TCF4: variants seen among roughly 807,000 people sequenced by gnomAD.
TCF4 encodes the protein SL3-3 enhancer factor 2.
Under a neutral mutation model 82.1 loss-of-function variants are expected in TCF4, and 3 were observed. The ratio of observed to expected loss-of-function variants is 0.04; its 90% CI spans 0.02 to 0.09. TCF4 has a LOEUF of 0.09. Among genes scored for constraint, TCF4 ranks in the 10% least tolerant of loss-of-function variants. The pLI, the probability that TCF4 is intolerant of heterozygous loss-of-function variation, is 1.00. For synonymous variants in TCF4, 276 were observed against 309.6 expected (o/e 0.89, Z 1.14); for missense variants, 518 against 852.7 (o/e 0.61, Z 4.89).
chr18:55,572,590 A>C (rs534937618), intron 3 of TCF4, among the ~76,000 whole-genome samples: 202 of 152,334 alleles, frequency 1.3e-3, no homozygotes, highest in African/African-American at 4.6e-3. Context: ...TCCCAGATAG[A>C]ATACCACATA....
At chr18:55,316,847 C>T (rs1337299811) in intron 8 of TCF4, among the ~76,000 whole-genome samples, 3 of 152,014 alleles carry the variant, frequency 2.0e-5, no homozygotes, top group Admixed American at 6.6e-5. Context: ...CATCACCCAG[C>T]GACAGAAGGA....
At chr18:55,607,042 T>A (rs1350690551) in intron 2 of TCF4, among the ~76,000 whole-genome samples, 3 of 152,180 alleles carry the variant, frequency 2.0e-5, no homozygotes, top group African/African-American at 7.2e-5. Context: ...CGGCAATACC[T>A]ACAGCACAGT....
chr18:55,401,216 T>A, intron 6 of TCF4: 1 of 1,198,844 alleles, frequency 8.3e-7, no homozygotes. Context: ...TCATACTCTG[T>A]ACATTTTTCA....
At position 55,489,386 on chromosome 18, in the gene TCF4, C is replaced by T. The variant is rs9962390; in HGVS notation, c.146-25249G>A. ...TCTCTTTCAGGCTCTTTGGGAGGCA[C>T]GTTGCCTACAAGTGCCACGAGCTGC... On this transcript the variant is annotated intron_variant, in intron 3 of 19. Coordinates refer to ENST00000354452, the MANE Select transcript of TCF4 (RefSeq NM_001083962.2). Among the ~76,000 whole-genome samples, 368 of 152,174 alleles carry T rather than the reference C, an allele frequency of 2.4e-3. 1 individual carries two copies. The highest frequency in any genetic ancestry group is 8.5e-3 in the African/African-American group (352 of 41,496).
intron 8 of TCF4, among the ~76,000 whole-genome samples, chr18:55,339,436 T>G (rs1359154109): frequency 2.0e-5 from 3 of 152,110 alleles, no homozygotes; most frequent in Non-Finnish European, 2.9e-5. Flanking sequence ...ATCCACAAGG[T>G]GGCAATGACT....
chr18:55,355,540 T>G (rs751000973), intron 6 of TCF4, among the ~76,000 whole-genome samples: 1 of 152,278 alleles, frequency 6.6e-6, no homozygotes, highest in East Asian at 1.9e-4. Flanking sequence ...AGAATATATC[T>G]CGCACCAAAG....
intron 3 of TCF4, among the ~76,000 whole-genome samples, chr18:55,470,159 A>G (rs988525031): frequency 5.9e-5 from 9 of 152,248 alleles, no homozygotes; most frequent in Non-Finnish European, 2.9e-5. Context: ...TTGTTAAAGT[A>G]AATGAATTAA....
At chr18:55,540,490 T>A (rs778753205) in intron 3 of TCF4, among the ~76,000 whole-genome samples, 2 of 152,084 alleles carry the variant, frequency 1.3e-5, no homozygotes, top group Non-Finnish European at 2.9e-5. Context: ...TAATTAATGT[T>A]TTTTGGCATG....
intron 3 of TCF4, among the ~76,000 whole-genome samples, chr18:55,521,113 T>C (rs1052181338): frequency 6.6e-6 from 1 of 152,194 alleles, no homozygotes; most frequent in Non-Finnish European, 1.5e-5. Context: ...GAAGCGAGTT[T>C]ATTTGGAAAG....
At chr18:55,331,158 T>A (rs1194280803) in intron 8 of TCF4, among the ~76,000 whole-genome samples, 1 of 151,856 alleles carries the variant, frequency 6.6e-6, no homozygotes, top group Non-Finnish European at 1.5e-5. Context: ...AGAAGCTCAG[T>A]GGAGTATCTG....
chr18:55,517,856 G>C (rs1000840930), intron 3 of TCF4, among the ~76,000 whole-genome samples: 1 of 152,108 alleles, frequency 6.6e-6, no homozygotes, highest in Admixed American at 6.5e-5. Context: ...TGAGAGTCCA[G>C]GCCCTTGCTG....
chr18:55,624,100 G>T (rs1485266291), intron 2 of TCF4, among the ~76,000 whole-genome samples: 2 of 152,062 alleles, frequency 1.3e-5, no homozygotes, highest in Admixed American at 1.3e-4. Flanking sequence ...CATTAATTTT[G>T]TGAAGTTTTA....
chr18:55,608,065 G>A (rs988312602), intron 2 of TCF4, among the ~76,000 whole-genome samples: 5 of 152,154 alleles, frequency 3.3e-5, no homozygotes, highest in African/African-American at 7.2e-5. Flanking sequence ...CACATGCTTC[G>A]TCTCACTGTA....
chr18:55,621,492 TATAATGTAC>T (rs2097718420), intron 2 of TCF4, among the ~76,000 whole-genome samples: 1 of 83,626 alleles, frequency 1.2e-5, no homozygotes, highest in Non-Finnish European at 2.1e-5. Context: ...ATATATATTA[TATAATGTAC>T]ATTATATATA....
Position 55,234,607 on chromosome 18 carries a change from T to G in TCF4, c.1427A>C (p.Gln476Pro). The change falls in exon 16 of 20, where the codon CAG (glutamine) becomes CCG (proline). Residue 476 changes from glutamine to proline, a missense_variant. By Grantham distance (76) the Gln-to-Pro change is moderately conservative. This residue lies in a region of TCF4 where 144 missense variants were observed against 190.2 expected (regional missense o/e 0.76). Coordinates refer to ENST00000354452, the MANE Select transcript of TCF4 (RefSeq NM_001083962.2). Reference sequence around the variant, plus strand: ...GGAAGTCGCAGACTGGACAGGAAGCTGTGGAACCGGAACCTGGTTTGGCAG... The same window carrying G: ...GGAAGTCGCAGACTGGACAGGAAGCGGTGGAACCGGAACCTGGTTTGGCAG... ...SLLPNQVPVPQLPVQSATSPD... is the reference protein window; with the variant it reads ...SLLPNQVPVPPLPVQSATSPD... 1 of 1,614,094 alleles carries G rather than the reference T, an allele frequency of 6.2e-7. No individual in the cohort carries two copies. Among genetic ancestry groups the G allele is most frequent in the Non-Finnish European group, 8.5e-7 (1 of 1,180,014 alleles).
intron 3 of TCF4, among the ~76,000 whole-genome samples, chr18:55,570,636 C>G (rs896501681): frequency 1.3e-5 from 2 of 152,044 alleles, no homozygotes; most frequent in Admixed American, 6.6e-5. Flanking sequence ...AATCTCAGCA[C>G]TTTGGGAAGC....
chr18:55,616,149 C>T (rs1391654289), intron 2 of TCF4, among the ~76,000 whole-genome samples: 4 of 152,166 alleles, frequency 2.6e-5, no homozygotes, highest in African/African-American at 4.8e-5. Context: ...CCTTCCCAGC[C>T]GCTGGCAACC....
intron 8 of TCF4, among the ~76,000 whole-genome samples, chr18:55,297,689 C>A (rs115738070): frequency 6.6e-6 from 1 of 151,756 alleles, no homozygotes; most frequent in Non-Finnish European, 1.5e-5. Context: ...TGGTTGTTTG[C>A]GTGCATTACA....
chr18:55,458,629 G>T (rs1463749803), intron 5 of TCF4, among the ~76,000 whole-genome samples: 1 of 152,086 alleles, frequency 6.6e-6, no homozygotes, highest in Non-Finnish European at 1.5e-5. Context: ...ATAAACAGCA[G>T]CTTGGGCAAA....
Sources: gnomAD v4.1 joint callset for allele counts (sites outside exome capture counted in the v4.1 genomes callset) on GRCh38, gnomAD v4.1.1 for gene constraint, gnomAD v4.1.1 regional missense constraint, MANE v1.5 for transcripts, NCBI Gene and HGNC (gene_info 2026-07-23, HGNC 2026-07-21) for gene names.